Variants in FANCC observed in about 807,000 individuals in gnomAD.
The protein encoded by FANCC is FA complementation group C, also known as Fanconi anemia group C protein.
FANCC carries 55 observed loss-of-function variants against 71.3 expected under a neutral mutation model. The observed-to-expected ratio is 0.77, with a 90% CI of 0.62 to 0.97. The LOEUF (loss-of-function observed/expected upper bound fraction) is 0.97, where lower values mean the gene tolerates loss of function less well. Among genes scored for constraint, FANCC ranks in the 50% least tolerant of loss-of-function variants. FANCC has a pLI of 0.00. For synonymous variants in FANCC, 275 were observed against 244.9 expected (o/e 1.12, Z -1.15); for missense variants, 678 against 670.9 (o/e 1.01, Z -0.12).
chr9:95,220,122 C>T (rs552714582), intron 4 of FANCC, among the ~76,000 whole-genome samples: 2 of 152,316 alleles, frequency 1.3e-5, no homozygotes, highest in Admixed American at 6.5e-5. Flanking sequence ...AAAAAATGCT[C>T]GTCATCACTG....
At chr9:95,172,827 G>A (rs139146445) in intron 4 of FANCC, among the ~76,000 whole-genome samples, 4 of 152,172 alleles carry the variant, frequency 2.6e-5, no homozygotes, top group African/African-American at 4.8e-5. Flanking sequence ...GTATCTGAAT[G>A]AGAAAGAACT....
At chr9:95,267,793 A>G (rs1786402400) in intron 1 of FANCC, among the ~76,000 whole-genome samples, 2 of 152,224 alleles carry the variant, frequency 1.3e-5, no homozygotes, top group Admixed American at 6.5e-5. Flanking sequence ...GAAAGTATAA[A>G]TTGAAAAGGC....
chr9:95,175,314 A>G (rs1825945828), intron 4 of FANCC, among the ~76,000 whole-genome samples: 2 of 152,182 alleles, frequency 1.3e-5, no homozygotes, highest in Admixed American at 1.3e-4. Context: ...AACAACAACA[A>G]AAAACCCCCA....
intron 6 of FANCC, among the ~76,000 whole-genome samples, chr9:95,160,456 T>C (rs1830678677): frequency 6.6e-6 from 1 of 152,194 alleles, no homozygotes; most frequent in Non-Finnish European, 1.5e-5. Context: ...TGAAGTCAGG[T>C]AGCATGATGC....
intron 1 of FANCC, among the ~76,000 whole-genome samples, chr9:95,255,325 G>T (rs765015541): frequency 6.6e-6 from 1 of 152,030 alleles, no homozygotes; most frequent in Admixed American, 6.6e-5. Context: ...GGCAACTGGC[G>T]GGTGCCCCTC....
chr9:95,301,892 AC>A (rs751646309), intron 1 of FANCC, among the ~76,000 whole-genome samples: 32 of 148,018 alleles, frequency 2.2e-4, no homozygotes, highest in Non-Finnish European at 6.0e-5. Context: ...CCTGGCTAAC[AC>A]GGTGAAACCC....
intron 1 of FANCC, among the ~76,000 whole-genome samples, chr9:95,267,617 A>G (rs958128402): frequency 3.9e-5 from 6 of 152,222 alleles, no homozygotes; most frequent in African/African-American, 7.2e-5. Flanking sequence ...ACTTCAGATG[A>G]AGTTAATCAG....
At chr9:95,198,845 C>T (rs1304545536) in intron 4 of FANCC, among the ~76,000 whole-genome samples, 2 of 152,096 alleles carry the variant, frequency 1.3e-5, no homozygotes, top group East Asian at 1.9e-4. Context: ...TCAGGTGATC[C>T]TCCCGCCTCA....
intron 4 of FANCC, among the ~76,000 whole-genome samples, chr9:95,172,382 T>A (rs760428050): frequency 9.2e-5 from 14 of 152,222 alleles, no homozygotes; most frequent in Non-Finnish European, 4.4e-5. Context: ...AACAAAAATA[T>A]ATATCATCAA....
At chr9:95,273,082 A>G (rs1377933038) in intron 1 of FANCC, among the ~76,000 whole-genome samples, 3 of 152,240 alleles carry the variant, frequency 2.0e-5, no homozygotes, top group African/African-American at 7.2e-5. Context: ...ATTAAGGACA[A>G]ATGTGATCAA....
chr9:95,179,482 G>A (rs1309531829), intron 4 of FANCC, among the ~76,000 whole-genome samples: 7 of 152,188 alleles, frequency 4.6e-5, no homozygotes, highest in Non-Finnish European at 1.5e-5. Context: ...GAGTAGCTGG[G>A]ATTACAGGTG....
At chr9:95,203,998 C>T (rs187899505) in intron 4 of FANCC, among the ~76,000 whole-genome samples, 13 of 152,322 alleles carry the variant, frequency 8.5e-5, no homozygotes, top group Non-Finnish European at 1.6e-4. Context: ...TAATCTATAA[C>T]ACAAAAACAC....
intron 3 of FANCC, among the ~76,000 whole-genome samples, chr9:95,245,689 G>A (rs1271936782): frequency 6.6e-6 from 1 of 151,894 alleles, no homozygotes; most frequent in Admixed American, 6.5e-5. Context: ...CTGAGGTCAG[G>A]AGTTTGAGAC....
chr9:95,233,033 T>G (rs749712617), intron 4 of FANCC, among the ~76,000 whole-genome samples: 16 of 152,026 alleles, frequency 1.1e-4, no homozygotes, highest in Non-Finnish European at 2.2e-4. Flanking sequence ...TTAAGCCAGG[T>G]AGGACCCACT....
chr9:95,261,272 A>G (rs1832030292), intron 1 of FANCC, among the ~76,000 whole-genome samples: 1 of 152,156 alleles, frequency 6.6e-6, no homozygotes, highest in South Asian at 2.1e-4. Flanking sequence ...TAATCTACAA[A>G]CCTATTAGAC....
At chr9:95,308,386 C>A (rs1018698685) in intron 1 of FANCC, among the ~76,000 whole-genome samples, 26 of 152,004 alleles carry the variant, frequency 1.7e-4, no homozygotes, top group Non-Finnish European at 2.1e-4. Flanking sequence ...CGAGTTCAAG[C>A]GATTCTTGTA....
chr9:95,199,930 C>T (rs1283729620), intron 4 of FANCC, among the ~76,000 whole-genome samples: 1 of 152,114 alleles, frequency 6.6e-6, no homozygotes, highest in African/African-American at 2.4e-5. Context: ...TTAATAAACA[C>T]TTATCTTATT....
At chr9:95,292,617 C>A in intron 1 of FANCC, 2 of 1,445,574 alleles carry the variant, frequency 1.4e-6, no homozygotes, top group Non-Finnish European at 1.9e-6. Context: ...CCGCAAGATC[C>A]TGCCCAACAG....
chr9:95,196,152 A>C (rs1192583586), intron 4 of FANCC, among the ~76,000 whole-genome samples: 2 of 152,168 alleles, frequency 1.3e-5, no homozygotes, highest in Non-Finnish European at 2.9e-5. Context: ...CAGTGTTATA[A>C]GAACGAATCT....
Sources: gnomAD v4.1 joint callset for allele counts (sites outside exome capture counted in the v4.1 genomes callset) on GRCh38, gnomAD v4.1.1 for gene constraint, MANE v1.5 for transcripts, NCBI Gene and HGNC (gene_info 2026-07-23, HGNC 2026-07-21) for gene names.